The following SLC24A2 variants were observed in gnomAD, a reference collection of about 807,000 sequenced individuals.
SLC24A2 encodes solute carrier family 24 member 2.
SLC24A2 carries 36 observed loss-of-function variants against 62.0 expected under a neutral mutation model. The ratio of observed to expected loss-of-function variants is 0.58; its 90% CI spans 0.44 to 0.77. SLC24A2 has a LOEUF of 0.77. SLC24A2 is among the 30% of genes least tolerant of loss of function. SLC24A2 has a pLI of 0.00. For synonymous variants in SLC24A2, 358 were observed against 294.0 expected (o/e 1.22, Z -2.23); for missense variants, 846 against 817.9 (o/e 1.03, Z -0.42).
intron 2 of SLC24A2, among the ~76,000 whole-genome samples, chr9:19,744,985 C>T (rs943273952): frequency 1.3e-5 from 2 of 152,150 alleles, no homozygotes. Context: ...ATTTGTCATC[C>T]AAATCTCCTG....
At chr9:19,529,245 C>G (rs935062461) in intron 8 of SLC24A2, among the ~76,000 whole-genome samples, 2 of 152,206 alleles carry the variant, frequency 1.3e-5, no homozygotes, top group Non-Finnish European at 1.5e-5. Flanking sequence ...AAAGTAATCT[C>G]AATTGTCCGA....
the SLC24A2 span, among the ~76,000 whole-genome samples, chr9:20,267,754 T>C: frequency 2.0e-5 from 3 of 152,222 alleles, no homozygotes; most frequent in African/African-American, 7.2e-5. Context: ...ATTTATGAAG[T>C]TGCCAAGAGG....
At chr9:19,636,959 A>T (rs1818374274) in intron 2 of SLC24A2, among the ~76,000 whole-genome samples, 1 of 152,186 alleles carries the variant, frequency 6.6e-6, no homozygotes, top group Admixed American at 6.5e-5. Flanking sequence ...GGAAAATACT[A>T]ATTGGAATAA....
chr9:19,735,735 A>G (rs1342287855), intron 2 of SLC24A2, among the ~76,000 whole-genome samples: 1 of 152,094 alleles, frequency 6.6e-6, no homozygotes, highest in Non-Finnish European at 1.5e-5. Context: ...GGAAACCATC[A>G]TTCTCAGCAA....
At chr9:19,965,050 G>A in the SLC24A2 span, among the ~76,000 whole-genome samples, 782 of 152,058 alleles carry the variant, frequency 5.1e-3, 6 homozygotes, top group African/African-American at 0.017. Flanking sequence ...TCCCACGATC[G>A]TGTAGATCGT....
At chr9:19,810,341 G>C in the SLC24A2 span, among the ~76,000 whole-genome samples, 2 of 152,178 alleles carry the variant, frequency 1.3e-5, no homozygotes, top group African/African-American at 4.8e-5. Flanking sequence ...GTTAATATTT[G>C]CAGGTATTTT....
At chr9:19,862,263 C>T in the SLC24A2 span, among the ~76,000 whole-genome samples, 1 of 152,056 alleles carries the variant, frequency 6.6e-6, no homozygotes, top group Non-Finnish European at 1.5e-5. Context: ...CAGTGGAAAC[C>T]TTACAGGCTA....
chr9:20,222,641 C>T, the SLC24A2 span, among the ~76,000 whole-genome samples: 7 of 151,866 alleles, frequency 4.6e-5, no homozygotes, highest in South Asian at 6.2e-4. Context: ...AAAAACCAAA[C>T]GAGGTTTATC....
At position 19,605,276 on chromosome 9, in the gene SLC24A2, T is replaced by G. The variant is rs35444308; in HGVS notation, c.1079-7997A>C. 1.4e-3 allele frequency among the ~76,000 whole-genome samples: 206 copies of G among 152,282 alleles called. 2 individuals carry two copies. The East Asian group carries it at 0.033, about 24-fold the overall frequency. On this transcript the variant is annotated intron_variant, in intron 4 of 10. Coordinates refer to ENST00000341998, the MANE Select transcript of SLC24A2 (RefSeq NM_020344.4). ...AATGCTTCTGTAGATTTTTTATCAA[T>G]ATATTGGAAAGATACATTTTTTAGT...
chr9:20,029,201 G>A, the SLC24A2 span, among the ~76,000 whole-genome samples: 1 of 152,204 alleles, frequency 6.6e-6, no homozygotes, highest in Admixed American at 6.5e-5. Flanking sequence ...ACACAGCTGA[G>A]CACTGTGGTT....
chr9:19,969,003 G>T, the SLC24A2 span, among the ~76,000 whole-genome samples: 2 of 152,094 alleles, frequency 1.3e-5, no homozygotes, highest in Non-Finnish European at 2.9e-5. Flanking sequence ...TACAGTGGCT[G>T]TTCTACCAGA....
At chr9:19,664,485 T>C (rs1431927185) in intron 2 of SLC24A2, among the ~76,000 whole-genome samples, 2 of 152,194 alleles carry the variant, frequency 1.3e-5, no homozygotes, top group African/African-American at 4.8e-5. Flanking sequence ...GTTGTATAAA[T>C]GAGAAATCCA....
At chr9:20,055,952 C>T in the SLC24A2 span, among the ~76,000 whole-genome samples, 10 of 151,014 alleles carry the variant, frequency 6.6e-5, no homozygotes, top group South Asian at 2.1e-4. Flanking sequence ...ATGTTCTTAC[C>T]GCTCCACTAT....
At chr9:20,056,717 C>A in the SLC24A2 span, among the ~76,000 whole-genome samples, 1 of 152,154 alleles carries the variant, frequency 6.6e-6, no homozygotes, top group South Asian at 2.1e-4. Flanking sequence ...CCACTTCAAC[C>A]CCCTTTTGGT....
At chr9:20,278,064 C>T in the SLC24A2 span, among the ~76,000 whole-genome samples, 5 of 151,146 alleles carry the variant, frequency 3.3e-5, no homozygotes, top group Non-Finnish European at 2.9e-5. Context: ...GGGTGGGGAA[C>T]ATCACACGCC....
chr9:20,036,566 TGTAA>T, the SLC24A2 span, among the ~76,000 whole-genome samples: 2 of 152,324 alleles, frequency 1.3e-5, no homozygotes, highest in African/African-American at 4.8e-5. Flanking sequence ...AGATTCCACA[TGTAA>T]GTGAGAACAT....
chr9:19,615,466 T>C (rs1236315646), intron 4 of SLC24A2, among the ~76,000 whole-genome samples: 1 of 152,216 alleles, frequency 6.6e-6, no homozygotes, highest in East Asian at 1.9e-4. Flanking sequence ...GAGATGACTA[T>C]TTCTGAGAGC....
At chr9:19,673,633 A>G (rs1235309704) in intron 2 of SLC24A2, among the ~76,000 whole-genome samples, 1 of 152,090 alleles carries the variant, frequency 6.6e-6, no homozygotes, top group Non-Finnish European at 1.5e-5. Flanking sequence ...TGTTTTTAGT[A>G]CAGATGCAGT....
chr9:20,279,668 A>G, the SLC24A2 span, among the ~76,000 whole-genome samples: 1 of 152,242 alleles, frequency 6.6e-6, no homozygotes, highest in Non-Finnish European at 1.5e-5. Flanking sequence ...TGACTTGCAG[A>G]ATTAAATGCC....
Sources: gnomAD v4.1 joint callset for allele counts (sites outside exome capture counted in the v4.1 genomes callset) on GRCh38, gnomAD v4.1.1 for gene constraint, MANE v1.5 for transcripts, NCBI Gene and HGNC (gene_info 2026-07-23, HGNC 2026-07-21) for gene names.